DCDC1: variants seen among roughly 807,000 people sequenced by gnomAD.
The protein encoded by DCDC1 is doublecortin domain containing 1.
DCDC1 carries 200 observed loss-of-function variants against 178.3 expected under a neutral mutation model. That is an observed-to-expected ratio of 1.12 (90% CI 1.00 to 1.26). DCDC1 has a LOEUF of 1.26. Among genes scored for constraint, DCDC1 ranks in the 50% most tolerant of loss-of-function variants. The pLI, the probability that DCDC1 is intolerant of heterozygous loss-of-function variation, is 0.00. For synonymous variants in DCDC1, 690 were observed against 604.8 expected, an observed-to-expected ratio of 1.14 and a Z score of -2.07; for missense variants, 1,983 against 1,749.2, an observed-to-expected ratio of 1.13 and a Z score of -2.38.
chr11:31,239,788 T>C (rs1323695568), intron 9 of DCDC1, among the ~76,000 whole-genome samples: 1 of 151,802 alleles, frequency 6.6e-6, no homozygotes, highest in East Asian at 1.9e-4. Flanking sequence ...TTTAATAAAA[T>C]ATATTTTTCA....
chr11:31,292,969 C>T (rs376327366), intron 6 of DCDC1, among the ~76,000 whole-genome samples: 25 of 152,224 alleles, frequency 1.6e-4, no homozygotes, highest in African/African-American at 5.8e-4. Flanking sequence ...ATTAACTCTA[C>T]CTTCAAACTA....
At chr11:31,152,670 ACTGT>A (rs1461238521) in intron 9 of DCDC1, among the ~76,000 whole-genome samples, 1 of 152,138 alleles carries the variant, frequency 6.6e-6, no homozygotes, top group Non-Finnish European at 1.5e-5. Flanking sequence ...GAAATTATTT[ACTGT>A]CTTTCTACTT....
At chr11:30,973,267 C>A (rs1197045094) in intron 20 of DCDC1, among the ~76,000 whole-genome samples, 3 of 109,234 alleles carry the variant, frequency 2.7e-5, no homozygotes, top group African/African-American at 1.0e-4. Context: ...GAGTGAGACT[C>A]CATCTCAAAA....
At chr11:31,051,303 A>G (rs1955231873) in intron 20 of DCDC1, among the ~76,000 whole-genome samples, 1 of 152,208 alleles carries the variant, frequency 6.6e-6, no homozygotes, top group South Asian at 2.1e-4. Context: ...ATATGAACAA[A>G]GCCTCCAAGA....
chr11:31,049,533 G>A (rs1299352131), intron 20 of DCDC1, among the ~76,000 whole-genome samples: 3 of 152,178 alleles, frequency 2.0e-5, no homozygotes, highest in African/African-American at 7.2e-5. Flanking sequence ...TGCAGCTCTG[G>A]ACAGAGCAGC....
chr11:31,280,711 C>T, intron 7 of DCDC1: 1 of 573,686 alleles, frequency 1.7e-6, no homozygotes, highest in Non-Finnish European at 3.3e-6. Flanking sequence ...ACAAGTCTGC[C>T]CTTTCTGCCT....
Position 31,127,648 on chromosome 11 carries a change from G to T in DCDC1, c.1315-9C>A. 1 of 701,122 alleles carries T rather than the reference G, an allele frequency of 1.4e-6. No individual in the cohort carries two copies. Among genetic ancestry groups the T allele is most frequent in the Non-Finnish European group, 2.6e-6 (1 of 384,108 alleles). 43.4% of individuals were successfully genotyped at this position (701,122 alleles called of 1,614,324 possible). ...TCAATCAGCCTGCTCACCTGAAGGG[G>T]TTAAATTACAAGAGTTGTTAGCGAG... On this transcript the variant is annotated splice_polypyrimidine_tract_variant and intron_variant, in intron 10 of 38. Transcript: ENST00000684477.
intron 8 of DCDC1, among the ~76,000 whole-genome samples, chr11:31,254,713 T>G (rs576869031): frequency 2.8e-4 from 43 of 152,300 alleles, no homozygotes; most frequent in African/African-American, 9.1e-4. Context: ...GGCTGTCAGC[T>G]GAGCTAGGGT....
intron 21 of DCDC1, among the ~76,000 whole-genome samples, chr11:30,941,157 T>C (rs946234795): frequency 6.6e-6 from 1 of 152,168 alleles, no homozygotes; most frequent in African/African-American, 2.4e-5. Context: ...ATTCCTACCA[T>C]CCTGGTCCAA....
At chr11:31,355,485 T>C (rs1355290649) in intron 1 of DCDC1, among the ~76,000 whole-genome samples, 1 of 152,324 alleles carries the variant, frequency 6.6e-6, no homozygotes, top group South Asian at 2.1e-4. Context: ...TCTGTCACCA[T>C]TCAAACATTT....
chr11:31,241,308 A>G (rs1309325986), intron 9 of DCDC1, 142 bp downstream of exon 9: 1 of 385,894 alleles, frequency 2.6e-6, no homozygotes, highest in Non-Finnish European at 4.6e-6. Context: ...CAGAAACAGC[A>G]TTTTTGGCTC....
At chr11:30,878,938 A>G (rs1942394624) in intron 37 of DCDC1, among the ~76,000 whole-genome samples, 1 of 152,100 alleles carries the variant, frequency 6.6e-6, no homozygotes, top group Non-Finnish European at 1.5e-5. Flanking sequence ...CAGGTTTATT[A>G]CAAAGCCTGA....
chr11:30,886,560 T>C (rs915914212), intron 36 of DCDC1, among the ~76,000 whole-genome samples: 1 of 152,166 alleles, frequency 6.6e-6, no homozygotes, highest in Admixed American at 6.5e-5. Flanking sequence ...TGTCCTGATA[T>C]GGCAGAGAGA....
chr11:30,885,657 T>C (rs1943099783), intron 36 of DCDC1, among the ~76,000 whole-genome samples: 1 of 152,096 alleles, frequency 6.6e-6, no homozygotes, highest in South Asian at 2.1e-4. Context: ...AACCTGCAAA[T>C]ATGTTTTTAA....
At chr11:31,068,271 G>T (rs1015551881) in intron 18 of DCDC1, among the ~76,000 whole-genome samples, 1 of 152,094 alleles carries the variant, frequency 6.6e-6, no homozygotes, top group Non-Finnish European at 1.5e-5. Flanking sequence ...GGGGGCACAT[G>T]CTGTTATTTT....
At chr11:30,884,178 C>A (rs273580) in intron 36 of DCDC1, among the ~76,000 whole-genome samples, 15,367 of 151,596 alleles carry the variant, frequency 0.1, 960 homozygotes, top group Admixed American at 0.19. Flanking sequence ...GGACTACAGG[C>A]GTGCACCACC....
chr11:31,023,316 A>G (rs1418852389), intron 20 of DCDC1, among the ~76,000 whole-genome samples: 1 of 152,124 alleles, frequency 6.6e-6, no homozygotes, highest in Non-Finnish European at 1.5e-5. Context: ...CAATTAAAAC[A>G]AAGGCTTGAG....
At position 30,899,596 on chromosome 11, in the gene DCDC1, C is replaced by T. The variant is rs7947732; in HGVS notation, c.4710G>A (p.Lys1570=). 5,888 of 1,578,370 alleles carry T rather than the reference C, an allele frequency of 3.7e-3. 176 individuals carry two copies. In the African/African-American group the frequency reaches 0.063, roughly 17 times the overall value. The change falls in exon 34 of 39, where the codon AAG becomes AAA. Residue 1570 remains lysine, a synonymous_variant. Transcript: ENST00000684477. ...EKLEKQNWLK[K]DRILADLDTM... is the part of the protein sequence containing the mutation. ...TATCTAGATCAGCCAAAATTCTGTC[C>T]TTTTTTAGCCAGTTCTGTTTCTCTA...
At chr11:30,914,449 C>T (rs1030385068) in intron 27 of DCDC1, among the ~76,000 whole-genome samples, 2 of 152,164 alleles carry the variant, frequency 1.3e-5, no homozygotes, top group African/African-American at 2.4e-5. Flanking sequence ...AATCTCAGCT[C>T]TTTCCCAGAA....
Sources: gnomAD v4.1 joint callset for allele counts (sites outside exome capture counted in the v4.1 genomes callset) on GRCh38, gnomAD v4.1.1 for gene constraint, MANE v1.5 for transcripts, NCBI Gene and HGNC (gene_info 2026-07-23, HGNC 2026-07-21) for gene names.